Variants in WNT7A observed in about 807,000 individuals in gnomAD.
WNT7A encodes the protein protein Wnt-7a.
A neutral mutation model predicts 28.2 loss-of-function variants in WNT7A; 16 were observed. The observed-to-expected ratio is 0.57, with a 90% confidence interval of 0.38 to 0.86. The LOEUF is 0.86. Ranked by LOEUF, WNT7A falls within the 40% of genes least tolerant of loss-of-function variation. The pLI, the probability that WNT7A is intolerant of heterozygous loss-of-function variation, is 0.00. For missense variants in WNT7A, 411 were observed against 489.7 expected, an observed-to-expected ratio of 0.84 and a Z score of 1.52; for synonymous variants, 190 against 195.9, an observed-to-expected ratio of 0.97 and a Z score of 0.25.
chr3:13,856,893 A>AAAAAGAAGAAGAAGAAGAAAAAGAAG (rs1559303190), intron 2 of WNT7A, among the ~76,000 whole-genome samples: 2 of 73,286 alleles, frequency 2.7e-5, no homozygotes, highest in Non-Finnish European at 5.1e-5. Context: ...AGAAGAAGAA[A>AAAAAGAAGAAGAAGAAGAAAAAGAAG]AAGAAGAAGA....
chr3:13,853,957 C>T (rs1189018753), intron 3 of WNT7A, among the ~76,000 whole-genome samples: 1 of 152,122 alleles, frequency 6.6e-6, no homozygotes, highest in African/African-American at 2.4e-5. Flanking sequence ...GAGGAGGGAG[C>T]AGCTGGGACC....
At chr3:13,868,690 G>GAGAAAGAAAGAAAGAAAGAAAGAA (rs1220632576) in intron 2 of WNT7A, among the ~76,000 whole-genome samples, 2 of 19,746 alleles carry the variant, frequency 1.0e-4, no homozygotes, top group Admixed American at 6.3e-4. Context: ...GAGAGAGAGA[G>GAGAAAGAAAGAAAGAAAGAAAGAA]AGAAAGAAAG....
intron 2 of WNT7A, among the ~76,000 whole-genome samples, chr3:13,858,954 T>C (rs1304015355): frequency 6.6e-6 from 1 of 152,232 alleles, no homozygotes; most frequent in Non-Finnish European, 1.5e-5. Context: ...TGTTAACCTC[T>C]TTGACCCTTC....
At chr3:13,862,122 G>A (rs1694840743) in intron 2 of WNT7A, among the ~76,000 whole-genome samples, 2 of 152,336 alleles carry the variant, frequency 1.3e-5, no homozygotes, top group South Asian at 2.1e-4. Context: ...GGAACCCTTA[G>A]GAGGACATTG....
chr3:13,838,078 C>T (rs1694397590), intron 3 of WNT7A, among the ~76,000 whole-genome samples: 1 of 152,194 alleles, frequency 6.6e-6, no homozygotes, highest in South Asian at 2.1e-4. Flanking sequence ...AATGGAAATA[C>T]ACCCCGGTTA....
At chr3:13,851,357 C>T (rs1229062785) in intron 3 of WNT7A, among the ~76,000 whole-genome samples, 2 of 152,242 alleles carry the variant, frequency 1.3e-5, no homozygotes, top group East Asian at 1.9e-4. Context: ...CTCGGCCACA[C>T]GGAGCCCCCA....
chr3:13,856,936 A>AAGG (rs1694748718), intron 2 of WNT7A, among the ~76,000 whole-genome samples: 1 of 114,124 alleles, frequency 8.8e-6, no homozygotes, highest in African/African-American at 4.6e-5. Flanking sequence ...GAAGAAGAAG[A>AAGG]AGAAGAAGAA....
rs1694043130 is a variant in WNT7A, at chr3:13,818,194, T to C, written c.*750A>G. 6.7e-6 allele frequency: 1 copy of C among 149,958 alleles called. No individual in the cohort carries two copies. Among genetic ancestry groups the C allele is most frequent in the African/African-American group, 2.4e-5 (1 of 41,150 alleles). 9.3% of individuals were successfully genotyped at this position (149,958 alleles called of 1,614,324 possible). On this transcript the variant is annotated 3_prime_UTR_variant, in exon 4 of 4. Transcript: ENST00000285018. Reference sequence around the variant, plus strand: ...TCACTTTCCGAAAGATGGAAACTGCTGGGAATTTATTATTTTTCCTCTCTA... The same window carrying C: ...TCACTTTCCGAAAGATGGAAACTGCCGGGAATTTATTATTTTTCCTCTCTA...
chr3:13,836,327 G>C (rs559163833), intron 3 of WNT7A, among the ~76,000 whole-genome samples: 295 of 152,234 alleles, frequency 1.9e-3, no homozygotes, highest in African/African-American at 6.9e-3. Context: ...GCAGGGCTCA[G>C]CCCTGGCCTC....
intron 2 of WNT7A, among the ~76,000 whole-genome samples, chr3:13,868,738 A>G (rs201488729): frequency 0.029 from 518 of 18,000 alleles, 88 homozygotes; most frequent in African/African-American, 0.041. Context: ...GAAAGAAAGA[A>G]GAGAAAGAAA....
chr3:13,869,224 AG>A (rs1694989319), intron 2 of WNT7A, among the ~76,000 whole-genome samples: 1 of 23,346 alleles, frequency 4.3e-5, no homozygotes, highest in South Asian at 1.5e-3. Flanking sequence ...GAAAGAAAAG[AG>A]AGAGAGAGAG....
chr3:13,871,459 C>T (rs1695024653), intron 2 of WNT7A, among the ~76,000 whole-genome samples: 1 of 152,160 alleles, frequency 6.6e-6, no homozygotes, highest in African/African-American at 2.4e-5. Flanking sequence ...ACTCATCTTC[C>T]TCTTCCCACT....
intron 2 of WNT7A, among the ~76,000 whole-genome samples, chr3:13,873,848 A>G (rs1342068909): frequency 6.6e-6 from 1 of 152,168 alleles, no homozygotes; most frequent in Non-Finnish European, 1.5e-5. Flanking sequence ...GTTTGGGAAA[A>G]AGGACAAGGC....
Position 13,818,734 on chromosome 3 carries a change from A to C in WNT7A, c.*210T>G. ...GAGGGACCTGGGCTGTGTCTGGGGG[A>C]GGGTGGAGCAGCATTGGGTGTGGAA... is the stretch of plus-strand genomic sequence containing the variant. On this transcript the variant is annotated 3_prime_UTR_variant, in exon 4 of 4. Transcript: ENST00000285018. 1 of 683,260 alleles carries C rather than the reference A, an allele frequency of 1.5e-6. No individual in the cohort carries two copies. The highest frequency in any genetic ancestry group is 2.2e-6 in the Non-Finnish European group (1 of 447,296). The allele number at this position is 683,260 out of a possible 1,614,324, so 42.3% of individuals were successfully genotyped here. A position where few individuals can be genotyped will look rare whatever the true frequency, so the allele number is the denominator to read the frequency against.
At chr3:13,849,658 T>A (rs1208226907) in intron 3 of WNT7A, among the ~76,000 whole-genome samples, 1 of 152,108 alleles carries the variant, frequency 6.6e-6, no homozygotes, top group East Asian at 1.9e-4. Flanking sequence ...TTCTGTGCGG[T>A]GGTTTCACAT....
intron 2 of WNT7A, among the ~76,000 whole-genome samples, chr3:13,856,250 G>C (rs1694728741): frequency 6.6e-6 from 1 of 152,370 alleles, no homozygotes; most frequent in East Asian, 1.9e-4. Context: ...TGACTGACTG[G>C]GACTTGGGCG....
intron 3 of WNT7A, among the ~76,000 whole-genome samples, chr3:13,825,688 G>T (rs1391894194): frequency 6.6e-6 from 1 of 152,168 alleles, no homozygotes; most frequent in African/African-American, 2.4e-5. Flanking sequence ...AGGGTGTGGG[G>T]CCCTGCATCT....
At chr3:13,868,592 G>A (rs796465551) in intron 2 of WNT7A, among the ~76,000 whole-genome samples, 8,001 of 16,480 alleles carry the variant, frequency 0.49, 2,639 homozygotes, top group Non-Finnish European at 0.54. Context: ...GAGAGAGAGG[G>A]AGAAAGAAAG....
At chr3:13,878,005 C>G (rs1300426922) in intron 1 of WNT7A, among the ~76,000 whole-genome samples, 1 of 152,194 alleles carries the variant, frequency 6.6e-6, no homozygotes, top group Non-Finnish European at 1.5e-5. Flanking sequence ...TAGCCCGAGG[C>G]GCAGGGAGCA....
Sources: allele counts gnomAD v4.1 joint callset (sites outside exome capture counted in the v4.1 genomes callset), GRCh38; gene constraint gnomAD v4.1.1; transcripts MANE v1.5; gene names NCBI Gene and HGNC (gene_info 2026-07-23, HGNC 2026-07-21).